Variants in HS6ST3 observed in about 807,000 individuals in gnomAD.
HS6ST3 encodes heparan-sulfate 6-O-sulfotransferase 3.
In HS6ST3, 12 loss-of-function variants were observed where a neutral mutation model predicts 36.7. That is an observed-to-expected ratio of 0.33 (90% CI 0.21 to 0.53). The LOEUF is 0.53. Ranked by LOEUF, HS6ST3 falls within the 20% of genes least tolerant of loss-of-function variation. HS6ST3 has a pLI of 0.95. For synonymous variants in HS6ST3, 240 were observed against 257.5 expected, an observed-to-expected ratio of 0.93 and a Z score of 0.65; for missense variants, 584 against 640.9, an observed-to-expected ratio of 0.91 and a Z score of 0.96.
At chr13:96,602,204 T>C (rs762280992) in intron 1 of HS6ST3, among the ~76,000 whole-genome samples, 3 of 147,164 alleles carry the variant, frequency 2.0e-5, no homozygotes, top group Admixed American at 6.7e-5. Context: ...TTTGTTGTTG[T>C]TGTTGTTGTT....
At chr13:96,185,070 A>G (rs2054259055) in intron 1 of HS6ST3, among the ~76,000 whole-genome samples, 1 of 152,232 alleles carries the variant, frequency 6.6e-6, no homozygotes, top group African/African-American at 2.4e-5. Context: ...GATCTGAAGA[A>G]ATTGTGTATT....
At chr13:96,282,127 C>T (rs2054778902) in intron 1 of HS6ST3, among the ~76,000 whole-genome samples, 1 of 152,160 alleles carries the variant, frequency 6.6e-6, no homozygotes. Flanking sequence ...CTTCTTTGGT[C>T]TGCAAAATAA....
intron 1 of HS6ST3, among the ~76,000 whole-genome samples, chr13:96,404,800 A>G (rs1478616041): frequency 1.3e-5 from 2 of 152,322 alleles, no homozygotes; most frequent in African/African-American, 2.4e-5. Flanking sequence ...GGCAGGTGAT[A>G]TGGTTTGGCT....
chr13:96,317,326 T>TTATATATA (rs537839404), intron 1 of HS6ST3, among the ~76,000 whole-genome samples: 33 of 96,898 alleles, frequency 3.4e-4, no homozygotes, highest in East Asian at 8.4e-4. Context: ...TAGTATTCCA[T>TTATATATA]TATATATATA....
At chr13:96,630,049 G>C (rs761244241) in intron 1 of HS6ST3, among the ~76,000 whole-genome samples, 1 of 151,872 alleles carries the variant, frequency 6.6e-6, no homozygotes, top group Non-Finnish European at 1.5e-5. Flanking sequence ...AATTTTAAAT[G>C]TTATTTAAAA....
At chr13:96,561,145 A>C (rs1226211055) in intron 1 of HS6ST3, among the ~76,000 whole-genome samples, 1 of 152,130 alleles carries the variant, frequency 6.6e-6, no homozygotes, top group Non-Finnish European at 1.5e-5. Flanking sequence ...ATAAGGCTAC[A>C]TACAGTAAGC....
intron 1 of HS6ST3, among the ~76,000 whole-genome samples, chr13:96,598,885 A>G (rs1467146644): frequency 2.6e-5 from 4 of 152,202 alleles, no homozygotes; most frequent in African/African-American, 7.2e-5. Context: ...ATCATAAAGG[A>G]ATGCTGGATT....
At chr13:96,699,357 A>G (rs901520298) in intron 1 of HS6ST3, among the ~76,000 whole-genome samples, 10 of 152,250 alleles carry the variant, frequency 6.6e-5, no homozygotes, top group Non-Finnish European at 1.0e-4. Context: ...CTCATCTGAT[A>G]AAGGACTAAT....
Position 96,090,626 on chromosome 13 carries a change from C to T in HS6ST3, c.-237C>T, listed in dbSNP as rs2053756152. On this transcript the variant is annotated 5_prime_UTR_variant, in exon 1 of 2. Coordinates refer to ENST00000376705, the MANE Select transcript of HS6ST3 (RefSeq NM_153456.4). ...ACCCGGGAGCGCAGGGCGCCCCACGCCGCAGCCGCAGCCGAGCGCGCCGGC... is the reference window on the plus strand; with the variant it reads ...ACCCGGGAGCGCAGGGCGCCCCACGTCGCAGCCGCAGCCGAGCGCGCCGGC... 6.8e-6 allele frequency among the ~76,000 whole-genome samples: 1 copy of T among 146,206 alleles called. No individual in the cohort carries two copies. Among genetic ancestry groups the T allele is most frequent in the East Asian group, 2.0e-4 (1 of 4,952 alleles).
At chr13:96,097,020 T>C (rs2053794589) in intron 1 of HS6ST3, among the ~76,000 whole-genome samples, 1 of 152,112 alleles carries the variant, frequency 6.6e-6, no homozygotes, top group African/African-American at 2.4e-5. Flanking sequence ...CATTACCGAG[T>C]CTCCTAAAAT....
chr13:96,808,150 G>T (rs773904248), intron 1 of HS6ST3, among the ~76,000 whole-genome samples: 35 of 152,196 alleles, frequency 2.3e-4, no homozygotes, highest in Admixed American at 3.9e-4. Context: ...AGGAGCCTTG[G>T]TCGGAAAAAC....
At chr13:96,556,677 A>G (rs1439791784) in intron 1 of HS6ST3, among the ~76,000 whole-genome samples, 2 of 152,296 alleles carry the variant, frequency 1.3e-5, no homozygotes, top group South Asian at 2.1e-4. Context: ...GCATTTTAAT[A>G]CTGGTTGATG....
chr13:96,713,606 C>T (rs1366134961), intron 1 of HS6ST3, among the ~76,000 whole-genome samples: 2 of 152,108 alleles, frequency 1.3e-5, no homozygotes, highest in African/African-American at 4.8e-5. Flanking sequence ...ATTTTCAAGG[C>T]ATGTGCATTC....
chr13:96,682,358 T>C (rs1200089207), intron 1 of HS6ST3, among the ~76,000 whole-genome samples: 2 of 152,172 alleles, frequency 1.3e-5, no homozygotes, highest in Non-Finnish European at 2.9e-5. Context: ...AGTAAAATCT[T>C]GCCTCCTGAA....
chr13:96,353,895 C>A (rs1024361147), intron 1 of HS6ST3, among the ~76,000 whole-genome samples: 5 of 152,102 alleles, frequency 3.3e-5, no homozygotes, highest in African/African-American at 1.2e-4. Flanking sequence ...TGGCATATGG[C>A]AGGAATGAAA....
At chr13:96,437,432 GAAGGC>G (rs1317118613) in intron 1 of HS6ST3, among the ~76,000 whole-genome samples, 1 of 152,148 alleles carries the variant, frequency 6.6e-6, no homozygotes, top group Non-Finnish European at 1.5e-5. Flanking sequence ...TACATTTTCT[GAAGGC>G]AAGGAAAATA....
intron 1 of HS6ST3, among the ~76,000 whole-genome samples, chr13:96,578,607 C>T (rs2056330273): frequency 6.6e-6 from 1 of 152,118 alleles, no homozygotes; most frequent in Admixed American, 6.6e-5. Context: ...GCCACCTAGG[C>T]TGTAGTGCAA....
At chr13:96,388,565 T>A (rs913746360) in intron 1 of HS6ST3, among the ~76,000 whole-genome samples, 1 of 152,126 alleles carries the variant, frequency 6.6e-6, no homozygotes, top group African/African-American at 2.4e-5. Context: ...TTTCTGACAA[T>A]AAGAAAGGAA....
chr13:96,697,834 G>A (rs1315076968), intron 1 of HS6ST3, among the ~76,000 whole-genome samples: 2 of 152,114 alleles, frequency 1.3e-5, no homozygotes, highest in East Asian at 3.9e-4. Context: ...TTCAAGATGT[G>A]GTACAATGGT....
Sources: gnomAD v4.1 joint callset for allele counts (sites outside exome capture counted in the v4.1 genomes callset) on GRCh38, gnomAD v4.1.1 for gene constraint, MANE v1.5 for transcripts, NCBI Gene and HGNC (gene_info 2026-07-23, HGNC 2026-07-21) for gene names.